Variants in SPAG16 observed in about 807,000 individuals in gnomAD.
SPAG16 encodes the protein sperm associated antigen 16.
In SPAG16, 86 loss-of-function variants were observed where a neutral mutation model predicts 80.4. That is an observed-to-expected ratio of 1.07 (90% CI 0.90 to 1.28). The LOEUF (loss-of-function observed/expected upper bound fraction) is 1.28, where lower values mean the gene tolerates loss of function less well. SPAG16 is among the 50% of genes most tolerant of loss of function. SPAG16 has a pLI of 0.00. For synonymous variants in SPAG16, 294 were observed against 265.9 expected (o/e 1.11, Z -1.03); for missense variants, 870 against 765.3 (o/e 1.14, Z -1.61).
intron 15 of SPAG16, among the ~76,000 whole-genome samples, chr2:214,179,061 C>G (rs1250853389): frequency 5.3e-5 from 8 of 151,332 alleles, no homozygotes; most frequent in Admixed American, 1.3e-4. Context: ...TTGCCAAACT[C>G]TAATCACTTC....
intron 7 of SPAG16, among the ~76,000 whole-genome samples, chr2:213,362,402 G>A (rs1210097585): frequency 6.6e-6 from 1 of 152,162 alleles, no homozygotes; most frequent in Non-Finnish European, 1.5e-5. Flanking sequence ...TAACAACTCA[G>A]CTGTTGAGTG....
chr2:213,549,323 T>C (rs987115068), intron 10 of SPAG16, among the ~76,000 whole-genome samples: 7 of 152,114 alleles, frequency 4.6e-5, no homozygotes, highest in African/African-American at 1.7e-4. Flanking sequence ...ATTTGATGCA[T>C]TATTAATAAA....
chr2:214,179,950 G>A (rs574560508), intron 15 of SPAG16, among the ~76,000 whole-genome samples: 2 of 151,602 alleles, frequency 1.3e-5, no homozygotes, highest in South Asian at 4.1e-4. Context: ...CTATTACTAA[G>A]CCATTCTGGG....
intron 10 of SPAG16, among the ~76,000 whole-genome samples, chr2:213,597,852 G>T (rs2060935336): frequency 6.6e-6 from 1 of 152,160 alleles, no homozygotes; most frequent in Admixed American, 6.5e-5. Flanking sequence ...ATTTTATGGG[G>T]GAGATTTGCA....
At chr2:213,927,708 G>GT (rs1006016708) in intron 11 of SPAG16, among the ~76,000 whole-genome samples, 34 of 151,552 alleles carry the variant, frequency 2.2e-4, no homozygotes, top group Non-Finnish European at 3.2e-4. Context: ...AGTGTGATTT[G>GT]TTTTTTTTGC....
chr2:213,490,201 A>T, intron 10 of SPAG16, 111 bp downstream of exon 10: 1 of 1,013,030 alleles, frequency 9.9e-7, no homozygotes, highest in Non-Finnish European at 1.4e-6. Flanking sequence ...GCCTTTCAAA[A>T]TTGCTACTCA....
At chr2:213,307,242 A>C (rs1172884692) in intron 3 of SPAG16, among the ~76,000 whole-genome samples, 1 of 148,408 alleles carries the variant, frequency 6.7e-6, no homozygotes, top group Non-Finnish European at 1.5e-5. Context: ...TTTAGGGTAC[A>C]TGTGCACAAT....
intron 10 of SPAG16, among the ~76,000 whole-genome samples, chr2:213,638,078 A>G (rs2062439052): frequency 1.3e-5 from 2 of 151,906 alleles, no homozygotes; most frequent in African/African-American, 4.8e-5. Flanking sequence ...TTTCTATTGT[A>G]TTGGTTATAG....
chr2:213,468,692 GTGTGTATATATATATC>G (rs1443061083), intron 9 of SPAG16, among the ~76,000 whole-genome samples: 37 of 147,426 alleles, frequency 2.5e-4, no homozygotes, highest in African/African-American at 9.2e-4. Context: ...GTGTGTATAT[GTGTGTATATATATATC>G]TGTGTATATA....
At chr2:213,604,389 A>G (rs2061180759) in intron 10 of SPAG16, among the ~76,000 whole-genome samples, 1 of 152,070 alleles carries the variant, frequency 6.6e-6, no homozygotes, top group African/African-American at 2.4e-5. Flanking sequence ...AAGCTTCATG[A>G]GGCAGAAACC....
At chr2:213,485,686 T>G (rs1422307254) in intron 9 of SPAG16, among the ~76,000 whole-genome samples, 1 of 152,152 alleles carries the variant, frequency 6.6e-6, no homozygotes, top group African/African-American at 2.4e-5. Flanking sequence ...ACTCAAATGT[T>G]GACAGAATGC....
At chr2:214,377,291 C>T (rs144322890) in intron 15 of SPAG16, among the ~76,000 whole-genome samples, 585 of 152,240 alleles carry the variant, frequency 3.8e-3, no homozygotes, top group African/African-American at 0.013. Context: ...TGGACCCATA[C>T]GAAGTGCCAC....
chr2:213,299,838 G>A (rs1257786905), intron 3 of SPAG16, among the ~76,000 whole-genome samples: 2 of 151,966 alleles, frequency 1.3e-5, no homozygotes, highest in Non-Finnish European at 1.5e-5. Context: ...TGAAATTTAA[G>A]TATTTTACAG....
At chr2:214,393,811 T>A (rs1701217585) in intron 15 of SPAG16, among the ~76,000 whole-genome samples, 1 of 152,174 alleles carries the variant, frequency 6.6e-6, no homozygotes, top group South Asian at 2.1e-4. Flanking sequence ...AGCTTTAGAT[T>A]TGCTCTAAAA....
chr2:214,121,650 A>C (rs778490419), intron 14 of SPAG16, among the ~76,000 whole-genome samples: 10 of 151,974 alleles, frequency 6.6e-5, no homozygotes, highest in Non-Finnish European at 1.5e-4. Flanking sequence ...TTATTACTAA[A>C]GTCTGAACAT....
At chr2:213,293,502 TG>T (rs1403990483) in intron 1 of SPAG16, among the ~76,000 whole-genome samples, 1 of 152,218 alleles carries the variant, frequency 6.6e-6, no homozygotes, top group Admixed American at 6.5e-5. Context: ...CTGCTTATTC[TG>T]GGGGTAGTTA....
chr2:214,264,892 C>T (rs1559165490), intron 15 of SPAG16, among the ~76,000 whole-genome samples: 1 of 152,074 alleles, frequency 6.6e-6, no homozygotes, highest in Non-Finnish European at 1.5e-5. Context: ...GTGGCTTTTG[C>T]AGACTGGCTT....
chr2:213,930,105 T>A lies in SPAG16; in HGVS notation c.1360T>A (p.Ser454Thr), dbSNP rs2078682480. 3 of 1,613,764 alleles carry A rather than the reference T, an allele frequency of 1.9e-6. No homozygotes were observed. The highest frequency in any genetic ancestry group is 2.5e-6 in the Non-Finnish European group (3 of 1,179,904). Residue 454 changes from serine to threonine, a missense_variant, in exon 12 of 16, where the codon TCC becomes ACC. Transcript: ENST00000331683. ...WHSCGNFVAS[S>T]SLDKTSKIWD... The stretch of plus-strand genomic sequence containing the variant: ...CTCCTGCGGCAATTTTGTGGCTTCC[T>A]CCTCACTGGATAAAACTAGCAAAAT...
At chr2:213,293,086 C>T (rs1325031584) in intron 1 of SPAG16, among the ~76,000 whole-genome samples, 2 of 152,140 alleles carry the variant, frequency 1.3e-5, no homozygotes, top group African/African-American at 2.4e-5. Flanking sequence ...CAGTTTCCCC[C>T]ATGCTGCTCT....
Sources: allele counts gnomAD v4.1 joint callset (sites outside exome capture counted in the v4.1 genomes callset), GRCh38; gene constraint gnomAD v4.1.1; transcripts MANE v1.5; gene names NCBI Gene and HGNC (gene_info 2026-07-23, HGNC 2026-07-21).